The following ANKFN1 variants were observed in gnomAD, a reference collection of about 807,000 sequenced individuals.
ANKFN1 encodes ankyrin repeat and fibronectin type III domain containing 1, also known as ankyrin repeat and fibronectin type-III domain-containing protein 1.
A neutral mutation model predicts 108.7 loss-of-function variants in ANKFN1; 74 were observed. The ratio of observed to expected loss-of-function variants is 0.68; its 90% CI spans 0.56 to 0.83. The LOEUF (loss-of-function observed/expected upper bound fraction) is 0.83, where lower values mean the gene tolerates loss of function less well. Among genes scored for constraint, ANKFN1 ranks in the 40% least tolerant of loss-of-function variants. The pLI, the probability that ANKFN1 is intolerant of heterozygous loss-of-function variation, is 0.00. For missense variants in ANKFN1, 1,505 were observed against 1,382.3 expected (o/e 1.09, Z -1.41); for synonymous variants, 547 against 516.2 (o/e 1.06, Z -0.81).
intron 8 of ANKFN1, among the ~76,000 whole-genome samples, chr17:56,384,715 C>A (rs1161593563): frequency 6.6e-6 from 1 of 152,142 alleles, no homozygotes; most frequent in African/African-American, 2.4e-5. Context: ...AACTCCCATT[C>A]ACAATTGCTT....
intron 8 of ANKFN1, among the ~76,000 whole-genome samples, chr17:56,418,870 T>C (rs949437124): frequency 6.6e-6 from 1 of 151,730 alleles, no homozygotes; most frequent in Non-Finnish European, 1.5e-5. Flanking sequence ...CAGGGGTTAA[T>C]GCACCTTGCC....
At chr17:56,237,088 C>T (rs1473579611) in intron 3 of ANKFN1, among the ~76,000 whole-genome samples, 1 of 152,128 alleles carries the variant, frequency 6.6e-6, no homozygotes, top group East Asian at 1.9e-4. Flanking sequence ...GTCGAGCCAA[C>T]CTTGCATACC....
chr17:56,094,400 C>T (rs1170788819), intron 4 of ANKFN1, among the ~76,000 whole-genome samples: 1 of 149,264 alleles, frequency 6.7e-6, no homozygotes, highest in Admixed American at 6.7e-5. Flanking sequence ...GATAATAACA[C>T]TTAGGAATGT....
chr17:56,189,170 C>CTT lies in ANKFN1; in HGVS notation c.-70-23411_-70-23410dup, dbSNP rs532063852. Among the ~76,000 whole-genome samples the CTT allele has an allele frequency of 7.0e-5, 6 of 85,266 alleles. 1 individual carries two copies. Among genetic ancestry groups the CTT allele is most frequent in the African/African-American group, 4.1e-4 (6 of 14,762 alleles). 55.9% of individuals were successfully genotyped at this position (85,266 alleles called of 152,430 possible). On this transcript the variant is annotated intron_variant, in intron 1 of 20. Transcript: ENST00000682825. ...CCTAAGTAAGTAAATGTTGCCCTGA[C>CTT]TTTTTTTTTTTTTTTTTTGAGACGG...
intron 3 of ANKFN1, among the ~76,000 whole-genome samples, chr17:56,270,442 A>G (rs2043763299): frequency 6.6e-6 from 1 of 152,228 alleles, no homozygotes; most frequent in Non-Finnish European, 1.5e-5. Context: ...AGAAGAAGAC[A>G]GTCATCCCAG....
chr17:56,243,905 C>G lies in ANKFN1; in HGVS notation c.53+15948C>G, dbSNP rs1917769234. ...TATGTAATTATCATGTTCTGTAGTT[C>G]TGGGCCTTTGAAGACATTTTTAGTT... On this transcript the variant is annotated intron_variant, in intron 3 of 20. Transcript: ENST00000682825. Among the ~76,000 whole-genome samples, 4 of 152,070 alleles carry G rather than the reference C, an allele frequency of 2.6e-5. No homozygotes were observed. In the South Asian group the frequency reaches 8.3e-4, roughly 32 times the overall value.
chr17:56,236,008 C>A (rs920910139), intron 3 of ANKFN1, among the ~76,000 whole-genome samples: 2 of 151,890 alleles, frequency 1.3e-5, no homozygotes, highest in Admixed American at 1.3e-4. Context: ...GAATGTTTTT[C>A]CATTTATTTG....
intron 11 of ANKFN1, among the ~76,000 whole-genome samples, chr17:56,450,161 C>A (rs996743803): frequency 6.6e-6 from 1 of 152,138 alleles, no homozygotes; most frequent in African/African-American, 2.4e-5. Flanking sequence ...TGTGGAGGAT[C>A]TCTTGAGCCC....
At chr17:56,339,492 CTT>C (rs914197112) in intron 4 of ANKFN1, among the ~76,000 whole-genome samples, 1 of 151,854 alleles carries the variant, frequency 6.6e-6, no homozygotes, top group Non-Finnish European at 1.5e-5. Context: ...CCCAGTATCT[CTT>C]GTTCCCCTCT....
intron 4 of ANKFN1, among the ~76,000 whole-genome samples, chr17:56,148,376 A>G (rs766094964): frequency 3.9e-5 from 6 of 152,214 alleles, no homozygotes; most frequent in Non-Finnish European, 7.3e-5. Flanking sequence ...AGGCTTGGAG[A>G]GATTGAATAC....
At chr17:56,232,644 A>G (rs1337080493) in intron 3 of ANKFN1, among the ~76,000 whole-genome samples, 2 of 152,170 alleles carry the variant, frequency 1.3e-5, no homozygotes, top group Non-Finnish European at 2.9e-5. Flanking sequence ...GAGACAGTGA[A>G]TATCTGGATT....
At chr17:56,432,833 A>T (rs1284976187) in intron 8 of ANKFN1, among the ~76,000 whole-genome samples, 3 of 152,118 alleles carry the variant, frequency 2.0e-5, no homozygotes, top group African/African-American at 4.8e-5. Flanking sequence ...TCAGGATGTT[A>T]CCTAAATTAT....
At chr17:56,173,885 CA>C (rs973010144) in intron 1 of ANKFN1, among the ~76,000 whole-genome samples, 1 of 152,186 alleles carries the variant, frequency 6.6e-6, no homozygotes, top group African/African-American at 2.4e-5. Context: ...TGGGAAATGT[CA>C]AAATTCAGAT....
chr17:56,507,065 T>C (rs113282597), intron 20 of ANKFN1, among the ~76,000 whole-genome samples: 2 of 152,176 alleles, frequency 1.3e-5, no homozygotes, highest in Non-Finnish European at 2.9e-5. Flanking sequence ...ACTGATCAGA[T>C]AAATGAAGAA....
rs141277412 is a variant in ANKFN1 at position 56,196,514 on chromosome 17, G to A, written c.-70-16084G>A. Among the ~76,000 whole-genome samples the A allele has an allele frequency of 6.8e-3, 1,029 of 152,182 alleles. 5 individuals are homozygous for A. The highest frequency in any genetic ancestry group is 0.011 in the South Asian group (54 of 4,816). On this transcript the variant is annotated intron_variant, in intron 1 of 20. Coordinates refer to ENST00000682825, the MANE Select transcript of ANKFN1 (RefSeq NM_001370326.1). ...TTTGGGACACCAAGGCAGGAAGATCGCATGAAGCCAGGAATTCTAGACCAG... is the reference window on the plus strand; with the variant it reads ...TTTGGGACACCAAGGCAGGAAGATCACATGAAGCCAGGAATTCTAGACCAG...
At chr17:56,483,493 G>A (rs1358579787) in intron 18 of ANKFN1, among the ~76,000 whole-genome samples, 2 of 152,208 alleles carry the variant, frequency 1.3e-5, no homozygotes, top group Non-Finnish European at 2.9e-5. Context: ...ATATGCTTAA[G>A]CCTCTCAGTT....
intron 10 of ANKFN1, among the ~76,000 whole-genome samples, chr17:56,443,320 C>A (rs970671983): frequency 1.3e-5 from 2 of 152,086 alleles, no homozygotes; most frequent in African/African-American, 4.8e-5. Context: ...GAGTTAAGAT[C>A]GCACCACTGC....
chr17:56,310,609 T>C, intron 3 of ANKFN1, among the ~76,000 whole-genome samples: 1 of 145,240 alleles, frequency 6.9e-6, no homozygotes, highest in African/African-American at 2.7e-5. Flanking sequence ...AGAGTGAGAC[T>C]CCATCTCAAA....
chr17:56,190,463 G>A (rs1163373854), intron 1 of ANKFN1, among the ~76,000 whole-genome samples: 30 of 131,804 alleles, frequency 2.3e-4, no homozygotes, highest in African/African-American at 4.0e-4. Flanking sequence ...CCTTCATTTC[G>A]TTATGTACCC....
Sources: gnomAD v4.1 joint callset for allele counts (sites outside exome capture counted in the v4.1 genomes callset) on GRCh38, gnomAD v4.1.1 for gene constraint, MANE v1.5 for transcripts, NCBI Gene and HGNC (gene_info 2026-07-23, HGNC 2026-07-21) for gene names.